The following N4BP1 variants were observed in gnomAD, a reference collection of about 807,000 sequenced individuals.
N4BP1 encodes NEDD4 binding protein 1.
In N4BP1, 21 loss-of-function variants were observed where a neutral mutation model predicts 70.9. The ratio of observed to expected loss-of-function variants is 0.30; its 90% CI spans 0.21 to 0.43. The LOEUF (loss-of-function observed/expected upper bound fraction) is 0.43. N4BP1 is among the 20% of genes least tolerant of loss of function. The pLI is 1.00. For synonymous variants in N4BP1, 387 were observed against 394.6 expected (o/e 0.98, Z 0.23); for missense variants, 936 against 1,069.4 (o/e 0.88, Z 1.74).
rs527857220 is a variant in N4BP1, at chr16:48,573,059, G to A, written c.199-10615C>T. ...GCCTGGGTACAGGCTGCAGTGACCC[G>A]AGATGTGCCACTGCACTCTAGCCTG... On this transcript the variant is annotated intron_variant, in intron 1 of 6. Transcript: ENST00000262384. 3.1e-4 allele frequency among the ~76,000 whole-genome samples: 47 copies of A among 150,182 alleles called. 2 individuals are homozygous for A. The South Asian group carries it at 8.2e-3, about 26-fold the overall frequency.
At position 48,541,699 on chromosome 16, in the gene N4BP1, A is replaced by G. The variant is rs1196947029; in HGVS notation, c.*1205T>C. On this transcript the variant is annotated 3_prime_UTR_variant, in exon 7 of 7. Transcript: ENST00000262384. ...GCCCTTTGAAGGTCCAGACAATAAG[A>G]GTAAAGATGTTAAGATTGCCCAGGA... 6.6e-6 allele frequency: 1 copy of G among 152,586 alleles called. No homozygotes were observed. The highest frequency in any genetic ancestry group is 6.5e-5 in the Admixed American group (1 of 15,286). 9.5% of individuals were successfully genotyped at this position (152,586 alleles called of 1,614,324 possible).
At chr16:48,582,579 AAACT>A (rs1169605110) in intron 1 of N4BP1, among the ~76,000 whole-genome samples, 9 of 152,342 alleles carry the variant, frequency 5.9e-5, no homozygotes, top group African/African-American at 2.2e-4. Flanking sequence ...ACTTAATAAG[AAACT>A]AACTTTTATT....
At chr16:48,571,350 T>C (rs982429206) in intron 1 of N4BP1, among the ~76,000 whole-genome samples, 9 of 152,220 alleles carry the variant, frequency 5.9e-5, no homozygotes, top group African/African-American at 1.7e-4. Context: ...AAGGGGCTAT[T>C]GCTATATCTG....
At chr16:48,560,363 C>T (rs1485014806) in intron 2 of N4BP1, among the ~76,000 whole-genome samples, 1 of 142,402 alleles carries the variant, frequency 7.0e-6, no homozygotes, top group Non-Finnish European at 1.5e-5. Flanking sequence ...AGGCATACTC[C>T]AGCATAATAA....
chr16:48,559,209 AAAC>A (rs1451094001), intron 2 of N4BP1, among the ~76,000 whole-genome samples: 9 of 152,152 alleles, frequency 5.9e-5, no homozygotes. Context: ...AAAATTTACA[AAAC>A]AAAAAATTAC....
chr16:48,577,326 G>GT (rs1413210559), intron 1 of N4BP1, among the ~76,000 whole-genome samples: 3 of 151,514 alleles, frequency 2.0e-5, no homozygotes, highest in African/African-American at 4.9e-5. Context: ...TTTTTTTTGT[G>GT]TTTTTTGCTT....
chr16:48,595,199 C>G (rs768550510), intron 1 of N4BP1, among the ~76,000 whole-genome samples: 1 of 151,988 alleles, frequency 6.6e-6, no homozygotes, highest in Admixed American at 6.5e-5. Flanking sequence ...TGGTGGCTCA[C>G]GCCTGTAATC....
At chr16:48,547,164 C>A (rs145037415) in intron 5 of N4BP1, among the ~76,000 whole-genome samples, 2 of 152,194 alleles carry the variant, frequency 1.3e-5, no homozygotes, top group East Asian at 3.9e-4. Context: ...CTGTGAAATC[C>A]CAACAGGGAT....
chr16:48,561,497 C>G lies in N4BP1; in HGVS notation c.1146G>C (p.Glu382Asp). The G allele has an allele frequency of 6.2e-7, 1 of 1,612,550 alleles. No homozygotes were observed. Among genetic ancestry groups the G allele is most frequent in the African/African-American group, 1.3e-5 (1 of 74,844 alleles). Residue 382 changes from glutamate to aspartate, a missense_variant, in exon 2 of 7, where the codon GAG (glutamate) becomes GAC (aspartate). Physicochemically the swap from Glu to Asp is conservative, Grantham distance 45 (BLOSUM62 2). Around this residue, in one of 4 missense-constraint regions of N4BP1, gnomAD observed 515 missense variants for 491.7 expected, o/e 1.05. Transcript: ENST00000262384. ...ATCTTTTATTTTCTTTTTCAATTTC[C>G]TCTAAGAGCAATAATGGTTCAGTAG... Reference protein sequence around the residue: ...GPSTEPLLLLEEIEKENKRFQ... With the variant: ...GPSTEPLLLLDEIEKENKRFQ...
intron 1 of N4BP1, among the ~76,000 whole-genome samples, chr16:48,593,619 T>C (rs1964367904): frequency 6.6e-6 from 1 of 152,146 alleles, no homozygotes; most frequent in Non-Finnish European, 1.5e-5. Flanking sequence ...TTCTGCTCTT[T>C]AACAAAAAAA....
chr16:48,562,576 T>C (rs1341701406), intron 1 of N4BP1, 132 bp from the exon 2 acceptor site: 1 of 767,212 alleles, frequency 1.3e-6, no homozygotes, highest in Non-Finnish European at 2.0e-6. Flanking sequence ...TTGAACAAAA[T>C]GTCATGTTTT....
chr16:48,603,007 T>C (rs372688087), intron 1 of N4BP1, among the ~76,000 whole-genome samples: 4 of 151,932 alleles, frequency 2.6e-5, no homozygotes, highest in East Asian at 3.9e-4. Flanking sequence ...CGCACACGCA[T>C]AGAAAAATTC....
At chr16:48,606,054 G>A (rs1400027605) in intron 1 of N4BP1, among the ~76,000 whole-genome samples, 2 of 152,112 alleles carry the variant, frequency 1.3e-5, no homozygotes, top group South Asian at 4.2e-4. Flanking sequence ...TCTTCCCCAT[G>A]TCTGTCTCCC....
At chr16:48,585,980 G>A (rs1404963489) in intron 1 of N4BP1, among the ~76,000 whole-genome samples, 1 of 152,160 alleles carries the variant, frequency 6.6e-6, no homozygotes, top group Admixed American at 6.5e-5. Context: ...ACGGGTGTGA[G>A]CCACTGCGCC....
chr16:48,592,554 T>G (rs1245694662), intron 1 of N4BP1, among the ~76,000 whole-genome samples: 1 of 152,180 alleles, frequency 6.6e-6, no homozygotes, highest in African/African-American at 2.4e-5. Context: ...GTGTGTGATG[T>G]TTATATAAAA....
chr16:48,588,426 T>G (rs1304055826), intron 1 of N4BP1, among the ~76,000 whole-genome samples: 1 of 151,740 alleles, frequency 6.6e-6, no homozygotes, highest in Non-Finnish European at 1.5e-5. Context: ...TCCCAAGTAG[T>G]TGGGATTACA....
intron 6 of N4BP1, 78 bp downstream of exon 6, chr16:48,546,069 A>T: frequency 1.1e-6 from 1 of 896,380 alleles, no homozygotes; most frequent in Non-Finnish European, 1.7e-6. Flanking sequence ...TTTTTAGTCT[A>T]TAAAGACAGC....
chr16:48,542,945 T>A lies in N4BP1; in HGVS notation c.2650A>T (p.Met884Leu). The change falls in exon 7 of 7, where the codon ATG becomes TTG. Residue 884 changes from methionine to leucine, a missense_variant. By Grantham distance (15) the Met-to-Leu change is conservative. This residue lies in a region of N4BP1 where 229 missense variants were observed against 343.5 expected (regional missense o/e 0.67). Coordinates refer to ENST00000262384, the MANE Select transcript of N4BP1 (RefSeq NM_153029.4). ...GCAGAAAGCGCATTTAGATCTTTCA[T>A]GTATGGGTGGGCCACCAAGATCTGG... ...IDQILVAHPY[M>L]KDLNALSAMV... 6.2e-7 allele frequency: 1 copy of A among 1,613,380 alleles called. No individual in the cohort carries two copies. The highest frequency in any genetic ancestry group is 8.5e-7 in the Non-Finnish European group (1 of 1,179,404).
chr16:48,552,353 C>T (rs944178638), intron 3 of N4BP1, among the ~76,000 whole-genome samples: 4 of 152,046 alleles, frequency 2.6e-5, no homozygotes, highest in Admixed American at 2.0e-4. Context: ...CACCTGCATT[C>T]CCTACAATGG....
Sources: gnomAD v4.1 joint callset for allele counts (sites outside exome capture counted in the v4.1 genomes callset) on GRCh38, gnomAD v4.1.1 for gene constraint, gnomAD v4.1.1 regional missense constraint, MANE v1.5 for transcripts, NCBI Gene and HGNC (gene_info 2026-07-23, HGNC 2026-07-21) for gene names.